The following RELN variants were observed in gnomAD, a reference collection of about 807,000 sequenced individuals.
RELN encodes reelin.
In RELN, 108 loss-of-function variants were observed where a neutral mutation model predicts 427.6. The ratio of observed to expected loss-of-function variants is 0.25; its 90% CI spans 0.22 to 0.30. The LOEUF is 0.30. Ranked by LOEUF, RELN falls within the 10% of genes least tolerant of loss-of-function variation. RELN has a pLI of 1.00. For synonymous variants in RELN, 1,524 were observed against 1,513.4 expected (o/e 1.01, Z -0.16); for missense variants, 3,715 against 4,302.8 (o/e 0.86, Z 3.82).
intron 16 of RELN, among the ~76,000 whole-genome samples, chr7:103,644,627 A>G (rs1461655834): frequency 1.3e-5 from 2 of 151,656 alleles, no homozygotes; most frequent in Non-Finnish European, 3.0e-5. Flanking sequence ...GAGAAATAAG[A>G]GATTATGTAA....
chr7:103,629,572 C>T (rs1010496679), intron 20 of RELN, among the ~76,000 whole-genome samples: 1 of 151,920 alleles, frequency 6.6e-6, no homozygotes, highest in Non-Finnish European at 1.5e-5. Context: ...TTATAAACCC[C>T]ATGGGCCTCT....
intron 62 of RELN, 80 bp from the exon 63 acceptor site, chr7:103,483,051 A>G: frequency 3.8e-6 from 4 of 1,054,638 alleles, no homozygotes; most frequent in Non-Finnish European, 5.9e-6. Context: ...GATGTCAAAT[A>G]TTATAATAGG....
chr7:103,515,078 C>G, intron 50 of RELN, 107 bp downstream of exon 50: 2 of 1,380,908 alleles, frequency 1.4e-6, no homozygotes, highest in Non-Finnish European at 2.0e-6. Context: ...CGTTTCTACA[C>G]CACTGGAACA....
At chr7:103,527,048 T>TA (rs1829837675) in intron 46 of RELN, among the ~76,000 whole-genome samples, 1 of 152,230 alleles carries the variant, frequency 6.6e-6, no homozygotes, top group Admixed American at 6.5e-5. Flanking sequence ...TATCCATTGC[T>TA]AAGTAGTTAA....
At chr7:103,641,066 T>C (rs892183564) in intron 16 of RELN, among the ~76,000 whole-genome samples, 27 of 152,182 alleles carry the variant, frequency 1.8e-4, no homozygotes, top group African/African-American at 6.0e-4. Context: ...TAAATATTAA[T>C]CTATCCTTCC....
At chr7:103,813,187 CA>C (rs1430448931) in intron 3 of RELN, among the ~76,000 whole-genome samples, 6 of 152,036 alleles carry the variant, frequency 3.9e-5, no homozygotes, top group Non-Finnish European at 1.5e-5. Context: ...AATACATGGC[CA>C]ATTGTCTTTT....
At chr7:103,770,913 CTTTTTTT>C (rs751942279) in intron 4 of RELN, among the ~76,000 whole-genome samples, 3 of 119,134 alleles carry the variant, frequency 2.5e-5, no homozygotes, top group African/African-American at 9.9e-5. Context: ...CAATCGCTTA[CTTTTTTT>C]TTTTTTTTTT....
At chr7:103,955,730 G>A (rs1048802458) in intron 1 of RELN, among the ~76,000 whole-genome samples, 1 of 152,112 alleles carries the variant, frequency 6.6e-6, no homozygotes, top group Non-Finnish European at 1.5e-5. Context: ...TTCTCTCCAC[G>A]AACCCAGACA....
In RELN at chr7:103,749,467, G is replaced by A; in HGVS notation, c.615C>T (p.Asp205=). ...IHSDSIILRD[D]FDSYHQLQLN... is the part of the protein sequence containing the mutation. ...ATTGCAGTTGGTGGTAGGAGTCAAA[G>A]TCATCTCTCAGGATAATGCTGTCAC... Residue 205 remains aspartate (D), a synonymous_variant, in exon 6 of 65, where the codon GAC becomes GAT. Transcript: ENST00000428762. 1 of 1,613,198 alleles carries A rather than the reference G, an allele frequency of 6.2e-7. No individual in the cohort carries two copies. The highest frequency in any genetic ancestry group is 8.5e-7 in the Non-Finnish European group (1 of 1,179,276).
At chr7:103,871,738 AGAGAAG>A (rs370667429) in intron 2 of RELN, among the ~76,000 whole-genome samples, 96 of 152,210 alleles carry the variant, frequency 6.3e-4, no homozygotes, top group African/African-American at 2.2e-3. Flanking sequence ...ACGATGAGAG[AGAGAAG>A]GAGAATGGAA....
At chr7:103,710,788 G>A (rs1430887806) in intron 8 of RELN, among the ~76,000 whole-genome samples, 1 of 152,214 alleles carries the variant, frequency 6.6e-6, no homozygotes, top group African/African-American at 2.4e-5. Flanking sequence ...GCTCATGCCT[G>A]TAATCCCAGC....
intron 6 of RELN, among the ~76,000 whole-genome samples, chr7:103,740,938 G>T (rs1479170886): frequency 6.6e-6 from 1 of 152,162 alleles, no homozygotes; most frequent in African/African-American, 2.4e-5. Context: ...TCAGTTATGG[G>T]AATTTGGCTA....
Position 103,610,776 on chromosome 7 carries a change from TC to T in RELN, c.2926del (p.Glu976AsnfsTer20), listed in dbSNP as rs1319735872. Reference sequence around the variant, plus strand: ...ATGGTAAATACTTGCTGATGTAAATTCCTGACAACTTGGCATACTTGGAAGG... The same window carrying T: ...ATGGTAAATACTTGCTGATGTAAATTCTGACAACTTGGCATACTTGGAAGG... Reference protein sequence around the residue: ...ECLPSMPSCQEFTSASIYHAS... With the variant: ...ECLPSMPSCQXFTSASIYHAS... On this transcript the variant is annotated frameshift_variant, in exon 22 of 65. Coordinates refer to ENST00000428762, the MANE Select transcript of RELN (RefSeq NM_005045.4). LOFTEE classifies it high-confidence loss of function. The T allele has an allele frequency of 6.2e-7, 1 of 1,611,158 alleles. No individual in the cohort carries two copies.
rs371652596 is a variant in RELN at position 103,650,328 on chromosome 7, T to C, written c.1948A>G (p.Ile650Val). ...ATTGGTCCTGTTTGTCTCCAGCGAA[T>C]CCTGGTGTTCCGGGTTAGTGCTGCG... ...PNAALTRNTR[I>V]RWRQTGPILG... Residue 650 changes from isoleucine (I) to valine (V), a missense_variant, in exon 16 of 65, where the codon ATT becomes GTT. Transcript: ENST00000428762. The C allele has an allele frequency of 3.1e-6, 5 of 1,613,166 alleles. No homozygotes were observed. The highest frequency in any genetic ancestry group is 4.2e-6 in the Non-Finnish European group (5 of 1,179,426).
At chr7:103,562,483 G>A (rs1830665478) in intron 34 of RELN, among the ~76,000 whole-genome samples, 1 of 152,190 alleles carries the variant, frequency 6.6e-6, no homozygotes, top group Non-Finnish European at 1.5e-5. Flanking sequence ...CTGAGGCCTA[G>A]AATGATGTGA....
rs143060503 is a variant in RELN at position 103,686,840 on chromosome 7, C to T, written c.1144-4579G>A. 5.0e-3 allele frequency among the ~76,000 whole-genome samples: 766 copies of T among 152,178 alleles called. 21 individuals carry two copies. Among genetic ancestry groups the T allele is most frequent in the Non-Finnish European group, 1.7e-3 (118 of 68,006 alleles). ...AAGAAAACTTAAAATAGAAAGAGAA[C>T]GATTTCTCTCATGAGGCAAAATAAA... On this transcript the variant is annotated intron_variant, in intron 10 of 64. Coordinates refer to ENST00000428762, the MANE Select transcript of RELN (RefSeq NM_005045.4).
chr7:103,917,008 C>G (rs983763640), intron 2 of RELN, 67 bp downstream of exon 2: 3 of 1,148,974 alleles, frequency 2.6e-6, no homozygotes, highest in Non-Finnish European at 4.0e-6. Context: ...AAAACAGATA[C>G]TTTAAAACAT....
At chr7:103,574,792 C>T (rs1347666451) in intron 29 of RELN, among the ~76,000 whole-genome samples, 1 of 152,070 alleles carries the variant, frequency 6.6e-6, no homozygotes, top group African/African-American at 2.4e-5. Flanking sequence ...TGGGAAGAAG[C>T]CTTTTGAAGT....
chr7:103,861,190 T>C (rs1408524506), intron 2 of RELN, among the ~76,000 whole-genome samples: 1 of 152,186 alleles, frequency 6.6e-6, no homozygotes, highest in Non-Finnish European at 1.5e-5. Flanking sequence ...AAGTTGGTGT[T>C]AAACTACACT....
Sources: allele counts gnomAD v4.1 joint callset (sites outside exome capture counted in the v4.1 genomes callset), GRCh38; gene constraint gnomAD v4.1.1; transcripts MANE v1.5; gene names NCBI Gene and HGNC (gene_info 2026-07-23, HGNC 2026-07-21).